Variants in KHDRBS2 observed in about 807,000 individuals in gnomAD.
KHDRBS2 encodes KH RNA binding domain containing, signal transduction associated 2.
KHDRBS2 carries 26 observed loss-of-function variants against 44.3 expected under a neutral mutation model. The observed-to-expected ratio is 0.59, with a 90% confidence interval of 0.43 to 0.81. The LOEUF is 0.81. Ranked by LOEUF, KHDRBS2 falls within the 40% of genes least tolerant of loss-of-function variation. The pLI is 0.00. For missense variants in KHDRBS2, 476 were observed against 433.1 expected, an observed-to-expected ratio of 1.10 and a Z score of -0.88; for synonymous variants, 194 against 151.1, an observed-to-expected ratio of 1.28 and a Z score of -2.08.
At chr6:62,177,692 T>C (rs1290885952) in intron 1 of KHDRBS2, among the ~76,000 whole-genome samples, 3 of 151,472 alleles carry the variant, frequency 2.0e-5, no homozygotes, top group East Asian at 1.9e-4. Flanking sequence ...ACAAAATACA[T>C]TTTAAGGATA....
At chr6:62,188,896 T>A (rs1253439748) in intron 1 of KHDRBS2, among the ~76,000 whole-genome samples, 1 of 152,054 alleles carries the variant, frequency 6.6e-6, no homozygotes, top group African/African-American at 2.4e-5. Flanking sequence ...GGTGGATCAC[T>A]TGAGGTCAGG....
chr6:62,059,197 A>ATTTTTTTTTTTT (rs1562748697), intron 2 of KHDRBS2, among the ~76,000 whole-genome samples: 2 of 30,076 alleles, frequency 6.6e-5, no homozygotes, highest in African/African-American at 1.6e-4. Flanking sequence ...AAAGTTAGGA[A>ATTTTTTTTTTTT]GTTTTTTTTT....
At chr6:61,556,507 C>T in the KHDRBS2 span, among the ~76,000 whole-genome samples, 1 of 152,144 alleles carries the variant, frequency 6.6e-6, no homozygotes, top group Non-Finnish European at 1.5e-5. Context: ...AAGTGATAGG[C>T]TCACTTCATT....
chr6:61,783,254 G>A (rs1451947621), intron 6 of KHDRBS2, among the ~76,000 whole-genome samples: 3 of 151,936 alleles, frequency 2.0e-5, no homozygotes, highest in South Asian at 2.1e-4. Context: ...CTCACAGACC[G>A]CTCCTTCTCC....
chr6:61,668,740 T>G, the KHDRBS2 span, among the ~76,000 whole-genome samples: 29,070 of 150,888 alleles, frequency 0.19, 2,955 homozygotes, highest in African/African-American at 0.23. Context: ...ACATTCTTTT[T>G]CTTTCCAAAT....
At chr6:61,750,908 A>G (rs1777586731) in intron 6 of KHDRBS2, among the ~76,000 whole-genome samples, 1 of 152,096 alleles carries the variant, frequency 6.6e-6, no homozygotes, top group African/African-American at 2.4e-5. Context: ...ATATATCTCT[A>G]TTAAGAATAA....
intron 4 of KHDRBS2, among the ~76,000 whole-genome samples, chr6:61,914,939 T>C (rs1470965161): frequency 6.6e-6 from 1 of 152,112 alleles, no homozygotes; most frequent in South Asian, 2.1e-4. Context: ...TAGATGTCCA[T>C]GTGTGAAGTC....
At chr6:61,875,057 G>A (rs1799220121) in intron 6 of KHDRBS2, among the ~76,000 whole-genome samples, 1 of 152,102 alleles carries the variant, frequency 6.6e-6, no homozygotes, top group African/African-American at 2.4e-5. Context: ...AGGCTGACTG[G>A]ACTAAGCATT....
chr6:62,266,284 C>G (rs1839184429), intron 1 of KHDRBS2, among the ~76,000 whole-genome samples: 1 of 152,068 alleles, frequency 6.6e-6, no homozygotes, highest in Non-Finnish European at 1.5e-5. Flanking sequence ...CCACCTTCTA[C>G]GAGCCAGGGC....
intron 6 of KHDRBS2, among the ~76,000 whole-genome samples, chr6:61,776,452 AC>A (rs1489636144): frequency 4.1e-4 from 62 of 152,314 alleles, no homozygotes; most frequent in African/African-American, 1.4e-3. Flanking sequence ...CAAGAAAAAA[AC>A]AACCCTATCA....
intron 4 of KHDRBS2, among the ~76,000 whole-genome samples, chr6:61,944,929 A>G (rs1812888622): frequency 6.6e-6 from 1 of 151,000 alleles, no homozygotes; most frequent in Admixed American, 6.6e-5. Context: ...CATCTCTACT[A>G]AAAATACAAA....
At chr6:61,562,783 G>A in the KHDRBS2 span, among the ~76,000 whole-genome samples, 42 of 152,164 alleles carry the variant, frequency 2.8e-4, no homozygotes, top group Middle Eastern at 3.4e-3. Flanking sequence ...TTTTTCCTCT[G>A]GATAAAGCCA....
rs546881570 is a variant in KHDRBS2 at position 62,284,676 on chromosome 6, T to C, written c.91+1182A>G. ...TATTTCACATGTTCCATGTTTTGAA[T>C]ATAAATCTTTTCCTAATTGTTTAGT... On this transcript the variant is annotated intron_variant, in intron 1 of 8. Coordinates refer to ENST00000281156, the MANE Select transcript of KHDRBS2 (RefSeq NM_152688.4). 2.0e-5 allele frequency among the ~76,000 whole-genome samples: 3 copies of C among 152,294 alleles called. No individual in the cohort carries two copies. In the East Asian group the frequency reaches 5.8e-4, roughly 29 times the overall value.
chr6:61,706,548 C>T (rs1271554431), intron 7 of KHDRBS2, among the ~76,000 whole-genome samples: 1 of 151,736 alleles, frequency 6.6e-6, no homozygotes, highest in Non-Finnish European at 1.5e-5. Flanking sequence ...TGAGATCATT[C>T]TCTTTTACTA....
intron 2 of KHDRBS2, among the ~76,000 whole-genome samples, chr6:62,109,022 C>T (rs1804317235): frequency 6.6e-6 from 1 of 151,410 alleles, no homozygotes; most frequent in South Asian, 2.1e-4. Flanking sequence ...GGGTGCAGCA[C>T]ACCAGCATGG....
chr6:61,672,378 G>T, the KHDRBS2 span, among the ~76,000 whole-genome samples: 1 of 151,940 alleles, frequency 6.6e-6, no homozygotes, highest in Admixed American at 6.6e-5. Context: ...GGATGGCTGG[G>T]TCAAATGGTA....
intron 2 of KHDRBS2, among the ~76,000 whole-genome samples, chr6:62,088,301 C>T (rs1485431704): frequency 6.6e-6 from 1 of 152,108 alleles, no homozygotes; most frequent in Non-Finnish European, 1.5e-5. Context: ...AATTTTCAGC[C>T]TTTTTTGGGC....
At chr6:62,074,110 C>A (rs1173567719) in intron 2 of KHDRBS2, among the ~76,000 whole-genome samples, 1 of 151,818 alleles carries the variant, frequency 6.6e-6, no homozygotes, top group African/African-American at 2.4e-5. Flanking sequence ...GACTTGAGAG[C>A]ATTCCCCAAA....
the KHDRBS2 span, among the ~76,000 whole-genome samples, chr6:61,633,385 T>C: frequency 6.6e-6 from 1 of 152,114 alleles, no homozygotes. Flanking sequence ...CTTTACACAC[T>C]GTGAGGATAT....
Sources: allele counts gnomAD v4.1 joint callset (sites outside exome capture counted in the v4.1 genomes callset), GRCh38; gene constraint gnomAD v4.1.1; transcripts MANE v1.5; gene names NCBI Gene and HGNC (gene_info 2026-07-23, HGNC 2026-07-21).